The following KLF12 variants were observed in gnomAD, a reference collection of about 807,000 sequenced individuals.
KLF12 encodes the protein Krueppel-like factor 12.
In KLF12, 9 loss-of-function variants were observed where a neutral mutation model predicts 37.8. The ratio of observed to expected loss-of-function variants is 0.24; its 90% CI spans 0.14 to 0.42. The LOEUF (loss-of-function observed/expected upper bound fraction) is 0.42, where lower values mean the gene tolerates loss of function less well. Among genes scored for constraint, KLF12 ranks in the 10% least tolerant of loss-of-function variants. The probability of loss-of-function intolerance (pLI) is 1.00; values close to 1 mark genes in which losing one functional copy is unlikely to be tolerated. For synonymous variants in KLF12, 208 were observed against 202.1 expected (o/e 1.03, Z -0.25); for missense variants, 411 against 516.0 (o/e 0.80, Z 1.97).
At chr13:73,702,006 A>G (rs536198392) in intron 7 of KLF12, among the ~76,000 whole-genome samples, 2 of 151,910 alleles carry the variant, frequency 1.3e-5, no homozygotes, top group Non-Finnish European at 2.9e-5. Context: ...GTTAAAAAAG[A>G]CGACATACCA....
the KLF12 span, among the ~76,000 whole-genome samples, chr13:74,216,512 G>A: frequency 1.3e-5 from 2 of 152,156 alleles, no homozygotes; most frequent in Admixed American, 6.5e-5. Flanking sequence ...AGCCTTGGCC[G>A]GTGTCCTGGG....
At chr13:73,775,992 T>G (rs1880585901) in intron 5 of KLF12, among the ~76,000 whole-genome samples, 1 of 152,102 alleles carries the variant, frequency 6.6e-6, no homozygotes, top group Non-Finnish European at 1.5e-5. Flanking sequence ...ATAATGAAAG[T>G]GGCATAAACT....
At chr13:73,782,218 TTCATAATGGGGA>T (rs1265853302) in intron 5 of KLF12, among the ~76,000 whole-genome samples, 2 of 152,216 alleles carry the variant, frequency 1.3e-5, no homozygotes, top group African/African-American at 4.8e-5. Flanking sequence ...GTTTCCTATC[TTCATAATGGGGA>T]TAGTTCAAAA....
At chr13:74,204,674 G>T in the KLF12 span, among the ~76,000 whole-genome samples, 1 of 152,052 alleles carries the variant, frequency 6.6e-6, no homozygotes, top group African/African-American at 2.4e-5. Context: ...GCAAATTTCA[G>T]ATCTAAAAAC....
Position 73,949,811 on chromosome 13 carries a change from A to G in KLF12, c.34-5741T>C, listed in dbSNP as rs149759875. 1.6e-3 allele frequency among the ~76,000 whole-genome samples: 245 copies of G among 152,370 alleles called. 2 individuals are homozygous for G. The highest frequency in any genetic ancestry group is 3.7e-3 in the Admixed American group (56 of 15,312). ...ACAAAATAAACATCCCTTCAAACAC[A>G]GACTTTGCCATTCTAGCCCAGCCTT... On this transcript the variant is annotated intron_variant, in intron 2 of 7. Transcript: ENST00000377669.
the KLF12 span, among the ~76,000 whole-genome samples, chr13:74,202,422 G>A: frequency 6.6e-6 from 1 of 152,068 alleles, no homozygotes; most frequent in Non-Finnish European, 1.5e-5. Flanking sequence ...CCCCCTCTGA[G>A]GAACTAGGAC....
rs552766805 is a variant in KLF12 at position 73,992,351 on chromosome 13, G to GT, written c.33+2638dup. Among the ~76,000 whole-genome samples, 153 of 152,296 alleles carry GT rather than the reference G, an allele frequency of 1.0e-3. 1 individual carries two copies. Among genetic ancestry groups the GT allele is most frequent in the Admixed American group, 4.4e-3 (68 of 15,302 alleles). On this transcript the variant is annotated intron_variant, in intron 2 of 7. Transcript: ENST00000377669. ...GGAATCTTTTTAGAATTTATTTGTC[G>GT]TTTTCTAAAGGCAGATGGTAAAGGG...
intron 6 of KLF12, among the ~76,000 whole-genome samples, chr13:73,744,796 T>C (rs980307005): frequency 6.6e-6 from 1 of 152,178 alleles, no homozygotes; most frequent in Non-Finnish European, 1.5e-5. Flanking sequence ...GACGTATGCA[T>C]GTCTACGCAT....
chr13:74,030,553 A>AT (rs1893088140), intron 1 of KLF12, among the ~76,000 whole-genome samples: 1 of 152,066 alleles, frequency 6.6e-6, no homozygotes, highest in East Asian at 1.9e-4. Context: ...TCAGAAAAAA[A>AT]CCTTCCTGTC....
chr13:74,292,305 T>C, the KLF12 span, among the ~76,000 whole-genome samples: 2 of 152,190 alleles, frequency 1.3e-5, no homozygotes, highest in Non-Finnish European at 2.9e-5. Flanking sequence ...TTGATCATTA[T>C]AATTAATCTA....
intron 1 of KLF12, among the ~76,000 whole-genome samples, chr13:74,115,076 A>G (rs1468419402): frequency 6.6e-6 from 1 of 152,192 alleles, no homozygotes; most frequent in Admixed American, 6.5e-5. Context: ...CCTGGTGCCA[A>G]AAGGGTTTGG....
Position 74,028,037 on chromosome 13 carries a change from T to C in KLF12, c.-31-32984A>G, listed in dbSNP as rs375675051. ...ATTGAATTGGCCAATTTAATAGCCA[T>C]TATATCCATTGCTAGAAAGTGGCAG... On this transcript the variant is annotated intron_variant, in intron 1 of 7. Coordinates refer to ENST00000377669, the MANE Select transcript of KLF12 (RefSeq NM_007249.5). Among the ~76,000 whole-genome samples the C allele has an allele frequency of 3.3e-5, 5 of 152,186 alleles. No homozygotes were observed. The East Asian group carries it at 7.7e-4, about 23-fold the overall frequency.
rs1049808935 is a variant in KLF12 at position 74,133,797 on chromosome 13, T to C, written c.-90A>G. Among the ~76,000 whole-genome samples the C allele has an allele frequency of 2.8e-5, 4 of 142,930 alleles. No homozygotes were observed. Among genetic ancestry groups the C allele is most frequent in the African/African-American group, 5.1e-5 (2 of 39,262 alleles). The allele number at this position is 142,930 out of a possible 152,430, so 93.8% of individuals were successfully genotyped here. A position where few individuals can be genotyped will look rare whatever the true frequency, so the allele number is the denominator to read the frequency against. On this transcript the variant is annotated 5_prime_UTR_variant, in exon 1 of 8. Transcript: ENST00000377669. ...TTCTTTCCCTCACACAGAGTCCCCC[T>C]CTCTCTCTCCCTTTCTCTCTCTCAC...
chr13:74,282,865 G>A, the KLF12 span, among the ~76,000 whole-genome samples: 1 of 151,974 alleles, frequency 6.6e-6, no homozygotes, highest in East Asian at 1.9e-4. Context: ...TTCCCCCCCT[G>A]GTTATATACT....
chr13:73,973,745 G>C (rs1454957933), intron 2 of KLF12, among the ~76,000 whole-genome samples: 7 of 151,926 alleles, frequency 4.6e-5, no homozygotes, highest in Admixed American at 2.0e-4. Flanking sequence ...AGAAATGAAA[G>C]AAAGAGAAGG....
the KLF12 span, among the ~76,000 whole-genome samples, chr13:74,281,179 A>T: frequency 6.6e-6 from 1 of 151,752 alleles, no homozygotes. Context: ...TTTTTTTTAA[A>T]AAGTATTATC....
intron 1 of KLF12, among the ~76,000 whole-genome samples, chr13:73,996,291 G>C (rs563484126): frequency 6.6e-6 from 1 of 152,324 alleles, no homozygotes; most frequent in South Asian, 2.1e-4. Flanking sequence ...TTGAAATTCA[G>C]AGTATAATTC....
the KLF12 span, among the ~76,000 whole-genome samples, chr13:74,193,751 C>T: frequency 1.3e-5 from 2 of 152,108 alleles, no homozygotes; most frequent in Admixed American, 6.6e-5. Flanking sequence ...CATTATAAGC[C>T]TAACTCTCAG....
chr13:73,698,118 C>A (rs141152446), intron 7 of KLF12, among the ~76,000 whole-genome samples: 2 of 150,950 alleles, frequency 1.3e-5, no homozygotes, highest in Admixed American at 6.6e-5. Context: ...GATTGTGTTA[C>A]TGCACTCCAG....
Sources: allele counts gnomAD v4.1 joint callset (sites outside exome capture counted in the v4.1 genomes callset), GRCh38; gene constraint gnomAD v4.1.1; transcripts MANE v1.5; gene names NCBI Gene and HGNC (gene_info 2026-07-23, HGNC 2026-07-21).